Variants in OSBPL6 observed in about 807,000 individuals in gnomAD.
The protein encoded by OSBPL6 is oxysterol binding protein like 6.
Under a neutral mutation model 125.8 loss-of-function variants are expected in OSBPL6, and 49 were observed. That is an observed-to-expected ratio of 0.39 (90% CI 0.31 to 0.49). The LOEUF (loss-of-function observed/expected upper bound fraction) is 0.49. Ranked by LOEUF, OSBPL6 falls within the 20% of genes least tolerant of loss-of-function variation. The pLI, the probability that OSBPL6 is intolerant of heterozygous loss-of-function variation, is 0.88. For missense variants in OSBPL6, 986 were observed against 1,135.4 expected, an observed-to-expected ratio of 0.87 and a Z score of 1.89; for synonymous variants, 394 against 391.8, an observed-to-expected ratio of 1.01 and a Z score of -0.07.
intron 1 of OSBPL6, among the ~76,000 whole-genome samples, chr2:178,209,764 A>G (rs1348616649): frequency 6.6e-6 from 1 of 152,040 alleles, no homozygotes; most frequent in Non-Finnish European, 1.5e-5. Context: ...CACTCTCACT[A>G]CAGTAGCAGC....
At position 178,306,118 on chromosome 2, in the gene OSBPL6, T is replaced by G; in HGVS notation, c.-67T>G. 1.0e-6 allele frequency: 1 copy of G among 984,482 alleles called. No homozygotes were observed. The highest frequency in any genetic ancestry group is 1.6e-6 in the Non-Finnish European group (1 of 619,850). 61.0% of individuals were successfully genotyped at this position (984,482 alleles called of 1,614,324 possible). On this transcript the variant is annotated 5_prime_UTR_variant, in exon 3 of 25. Transcript: ENST00000190611. ...TGAAGCTGAAAAATCATCTACTTCT[T>G]TGTTTGTGGATTTGAGAGAAGATTG...
At position 178,258,668 on chromosome 2, in the gene OSBPL6, G is replaced by A. The variant is rs144475936; in HGVS notation, c.-350-26259G>A. Among the ~76,000 whole-genome samples the A allele has an allele frequency of 2.4e-3, 365 of 152,054 alleles. 2 individuals are homozygous for A. The highest frequency in any genetic ancestry group is 1.2e-3 in the Non-Finnish European group (81 of 68,006). On this transcript the variant is annotated intron_variant, in intron 1 of 24. Transcript: ENST00000190611. ...ATGGTTATACCTATGTAACTCATACGCCTATCATGATAGTTCTGTCTCTCC... is the reference window on the plus strand; with the variant it reads ...ATGGTTATACCTATGTAACTCATACACCTATCATGATAGTTCTGTCTCTCC...
chr2:178,328,913 T>G (rs777820723), intron 5 of OSBPL6, among the ~76,000 whole-genome samples: 1 of 152,210 alleles, frequency 6.6e-6, no homozygotes, highest in African/African-American at 2.4e-5. Flanking sequence ...CCAGTTGGTA[T>G]GTATTGTTGT....
chr2:178,274,813 A>C (rs1409194318), intron 1 of OSBPL6, among the ~76,000 whole-genome samples: 4 of 152,202 alleles, frequency 2.6e-5, no homozygotes, highest in Non-Finnish European at 2.9e-5. Flanking sequence ...AGTATGTTTC[A>C]GATATAGGAG....
Position 178,372,239 on chromosome 2 carries a change from A to G in OSBPL6, c.1395+6A>G, listed in dbSNP as rs1157790231. On this transcript the variant is annotated splice_donor_region_variant and intron_variant, in intron 14 of 24. Coordinates refer to ENST00000190611, the MANE Select transcript of OSBPL6 (RefSeq NM_032523.4). ...TTATTCCTAGCCCTGATGAGGTAAG[A>G]CTCATTTTAAATAGATGCAGAGTAC... is the stretch of plus-strand genomic sequence containing the variant. 2 of 1,585,480 alleles carry G rather than the reference A, an allele frequency of 1.3e-6. No individual in the cohort carries two copies.
intron 3 of OSBPL6, chr2:178,320,401 G>A (rs762400968): frequency 1.4e-5 from 22 of 1,612,842 alleles, no homozygotes; most frequent in Middle Eastern, 1.9e-4. Flanking sequence ...AACAGAGGGC[G>A]GGTAAGTACT....
intron 12 of OSBPL6, among the ~76,000 whole-genome samples, chr2:178,355,236 C>G (rs1222775984): frequency 2.0e-5 from 3 of 152,052 alleles, no homozygotes; most frequent in African/African-American, 7.2e-5. Flanking sequence ...TAACTAAGAG[C>G]AGTGCAGAAC....
chr2:178,361,957 T>C, intron 13 of OSBPL6, 142 bp downstream of exon 13: 1 of 1,037,770 alleles, frequency 9.6e-7, no homozygotes. Flanking sequence ...AAGACTGCAG[T>C]GTCAGTATTA....
At position 178,392,550 on chromosome 2, in the gene OSBPL6, AGT is replaced by A. The variant is rs750808071; in HGVS notation, c.2573+14_2573+15del. On this transcript the variant is annotated intron_variant, in intron 23 of 24. Transcript: ENST00000190611. Reference sequence around the variant, plus strand: ...CGGCCAGATCAAAGGTGAGGATGGCAGTGGTATTTAATATGCAGACTATGGCT... The same window carrying A: ...CGGCCAGATCAAAGGTGAGGATGGCAGGTATTTAATATGCAGACTATGGCT... The A allele has an allele frequency of 1.2e-6, 2 of 1,613,562 alleles. No homozygotes were observed. The highest frequency in any genetic ancestry group is 1.1e-5 in the South Asian group (1 of 91,034).
At chr2:178,259,449 G>C (rs747247164) in intron 1 of OSBPL6, among the ~76,000 whole-genome samples, 2 of 152,086 alleles carry the variant, frequency 1.3e-5, no homozygotes, top group Non-Finnish European at 1.5e-5. Context: ...TCAAAATAGT[G>C]GTTAAATTAC....
intron 1 of OSBPL6, among the ~76,000 whole-genome samples, chr2:178,231,960 T>C (rs2090841247): frequency 6.6e-6 from 1 of 152,180 alleles, no homozygotes; most frequent in Admixed American, 6.5e-5. Context: ...CGGTTAATTC[T>C]TGTTGAAATT....
At chr2:178,361,622 A>G in intron 12 of OSBPL6, 60 bp from the exon 13 acceptor site, 1 of 1,575,188 alleles carries the variant, frequency 6.3e-7, no homozygotes, top group South Asian at 1.1e-5. Context: ...GAAATTTATA[A>G]TGTTGTGTAT....
chr2:178,367,473 C>T (rs1692947536), intron 13 of OSBPL6, among the ~76,000 whole-genome samples: 1 of 152,128 alleles, frequency 6.6e-6, no homozygotes, highest in Admixed American at 6.5e-5. Flanking sequence ...ATATCCTTCT[C>T]CAGCCATTAG....
chr2:178,299,735 TAAA>T (rs1686110780), intron 2 of OSBPL6, among the ~76,000 whole-genome samples: 1 of 152,242 alleles, frequency 6.6e-6, no homozygotes, highest in Non-Finnish European at 1.5e-5. Flanking sequence ...TAGTTCACTG[TAAA>T]ACTTACTTCA....
intron 3 of OSBPL6, among the ~76,000 whole-genome samples, chr2:178,311,568 C>T (rs1687271075): frequency 6.6e-6 from 1 of 152,210 alleles, no homozygotes; most frequent in African/African-American, 2.4e-5. Context: ...CAGCGCCTCA[C>T]ATTTGGTATG....
chr2:178,382,999 T>G, intron 16 of OSBPL6, 25 bp from the exon 17 acceptor site: 1 of 1,612,796 alleles, frequency 6.2e-7, no homozygotes, highest in Non-Finnish European at 8.5e-7. Context: ...CAAAGTGTCC[T>G]TCACTGTGAC....
At chr2:178,218,772 G>C (rs908623574) in intron 1 of OSBPL6, among the ~76,000 whole-genome samples, 7 of 151,886 alleles carry the variant, frequency 4.6e-5, no homozygotes, top group Admixed American at 2.0e-4. Context: ...TGGGAATACA[G>C]GTGTGCGTCA....
At chr2:178,303,477 T>G (rs1284022111) in intron 2 of OSBPL6, among the ~76,000 whole-genome samples, 1 of 152,162 alleles carries the variant, frequency 6.6e-6, no homozygotes, top group African/African-American at 2.4e-5. Context: ...CATAATCCAT[T>G]ATTAAAAATA....
intron 1 of OSBPL6, among the ~76,000 whole-genome samples, chr2:178,205,120 CA>C (rs1407068791): frequency 6.6e-6 from 1 of 152,146 alleles, no homozygotes; most frequent in Non-Finnish European, 1.5e-5. Context: ...ATTTCAAACC[CA>C]GTTTCCTGTA....
Sources: gnomAD v4.1 joint callset for allele counts (sites outside exome capture counted in the v4.1 genomes callset) on GRCh38, gnomAD v4.1.1 for gene constraint, MANE v1.5 for transcripts, NCBI Gene and HGNC (gene_info 2026-07-23, HGNC 2026-07-21) for gene names.